Variants in SEMA6D observed in about 807,000 individuals in gnomAD.
The protein encoded by SEMA6D is semaphorin 6D, also known as semaphorin-6D.
A neutral mutation model predicts 106.6 loss-of-function variants in SEMA6D; 35 were observed. That is an observed-to-expected ratio of 0.33 (90% CI 0.25 to 0.44). The LOEUF is 0.44. Ranked by LOEUF, SEMA6D falls within the 20% of genes least tolerant of loss-of-function variation. The probability of loss-of-function intolerance (pLI) is 1.00; values close to 1 mark genes in which losing one functional copy is unlikely to be tolerated. For missense variants in SEMA6D, 1,185 were observed against 1,345.9 expected (o/e 0.88, Z 1.87); for synonymous variants, 499 against 487.7 (o/e 1.02, Z -0.31).
At chr15:47,380,714 A>C (rs1273765196) in intron 1 of SEMA6D, 1 of 152,254 alleles carries the variant, frequency 6.6e-6, no homozygotes, top group Non-Finnish European at 1.5e-5. Context: ...AATCTGCTGA[A>C]GGAGAGAACT....
intron 3 of SEMA6D, among the ~76,000 whole-genome samples, chr15:47,500,848 A>G (rs768133262): frequency 9.8e-5 from 15 of 152,330 alleles, no homozygotes; most frequent in Middle Eastern, 6.8e-3. Context: ...CTATGCTTAC[A>G]TATAGATATT....
chr15:47,761,019 C>A lies in SEMA6D; in HGVS notation c.263C>A (p.Thr88Lys), dbSNP rs150296354. ...GTAAACTTAAATGAAATGCCCAAAA[C>A]AGAAGTAATACCCAACAAGGTGAGC... ...YTVNLNEMPKTEVIPNKKLTW... is the reference protein window; with the variant it reads ...YTVNLNEMPKKEVIPNKKLTW... Residue 88 changes from threonine (T) to lysine (K), a missense_variant, in exon 4 of 19, where the codon ACA becomes AAA. Coordinates refer to ENST00000536845, the MANE Select transcript of SEMA6D (RefSeq NM_001358351.3). The A allele has an allele frequency of 3.7e-6, 6 of 1,613,532 alleles. No individual in the cohort carries two copies. The highest frequency in any genetic ancestry group is 3.3e-5 in the South Asian group (3 of 91,042).
chr15:47,271,701 G>C (rs2034569272), intron 1 of SEMA6D, among the ~76,000 whole-genome samples: 1 of 151,988 alleles, frequency 6.6e-6, no homozygotes, highest in Admixed American at 6.6e-5. Context: ...CCCCAAATCA[G>C]GCATGTTTTA....
chr15:47,287,535 A>T (rs894675377), intron 1 of SEMA6D, among the ~76,000 whole-genome samples: 1 of 152,172 alleles, frequency 6.6e-6, no homozygotes, highest in African/African-American at 2.4e-5. Flanking sequence ...TCCATAGCAG[A>T]GTAGAAAAAG....
At chr15:47,211,196 C>T (rs2029980577) in intron 1 of SEMA6D, among the ~76,000 whole-genome samples, 1 of 151,998 alleles carries the variant, frequency 6.6e-6, no homozygotes, top group Non-Finnish European at 1.5e-5. Flanking sequence ...GTTTGAAAGT[C>T]GTTCAAATTT....
chr15:47,630,000 G>T (rs1217339540), intron 4 of SEMA6D, among the ~76,000 whole-genome samples: 1 of 151,846 alleles, frequency 6.6e-6, no homozygotes, highest in Non-Finnish European at 1.5e-5. Context: ...AAATAGTGCT[G>T]TGATAAGCAT....
chr15:47,606,863 A>T (rs1002550905), intron 4 of SEMA6D, among the ~76,000 whole-genome samples: 1 of 152,314 alleles, frequency 6.6e-6, no homozygotes, highest in Non-Finnish European at 1.5e-5. Context: ...AAAATGGGCT[A>T]TGTGTCCCAT....
intron 2 of SEMA6D, among the ~76,000 whole-genome samples, chr15:47,418,882 CTTT>C (rs891378068): frequency 3.9e-5 from 6 of 152,106 alleles, no homozygotes; most frequent in African/African-American, 1.4e-4. Context: ...TGAAAGTTCT[CTTT>C]TGATTGTTTA....
At chr15:47,469,964 T>C (rs187024244) in intron 2 of SEMA6D, among the ~76,000 whole-genome samples, 44 of 152,190 alleles carry the variant, frequency 2.9e-4, no homozygotes, top group African/African-American at 8.4e-4. Flanking sequence ...CACAACTTGC[T>C]CCTCACAGTG....
intron 4 of SEMA6D, among the ~76,000 whole-genome samples, chr15:47,699,916 A>T (rs2078775510): frequency 6.6e-6 from 1 of 152,216 alleles, no homozygotes; most frequent in Non-Finnish European, 1.5e-5. Flanking sequence ...AGAACTAATA[A>T]GCAATTATAA....
chr15:47,267,787 C>T (rs1317489168), intron 1 of SEMA6D, among the ~76,000 whole-genome samples: 1 of 152,082 alleles, frequency 6.6e-6, no homozygotes, highest in East Asian at 1.9e-4. Flanking sequence ...AGTTCTAGAG[C>T]ACATAGCACT....
At chr15:47,668,469 G>T (rs1031150702) in intron 4 of SEMA6D, among the ~76,000 whole-genome samples, 1 of 152,126 alleles carries the variant, frequency 6.6e-6, no homozygotes, top group Non-Finnish European at 1.5e-5. Context: ...TCTGCTCCTA[G>T]CTGCTTACCC....
chr15:47,327,750 C>G (rs985997470), intron 1 of SEMA6D, among the ~76,000 whole-genome samples: 4 of 152,110 alleles, frequency 2.6e-5, no homozygotes, highest in Non-Finnish European at 4.4e-5. Flanking sequence ...GTGCTTCTCT[C>G]TATGGGGGAA....
At chr15:47,731,325 C>T (rs529137977) in intron 1 of SEMA6D, among the ~76,000 whole-genome samples, 91 of 152,098 alleles carry the variant, frequency 6.0e-4, no homozygotes, top group African/African-American at 2.0e-3. Flanking sequence ...CCCCCGCCCC[C>T]GGTTGAACAC....
intron 1 of SEMA6D, among the ~76,000 whole-genome samples, chr15:47,211,154 A>G (rs1173176494): frequency 3.9e-5 from 6 of 152,134 alleles, no homozygotes; most frequent in Non-Finnish European, 8.8e-5. Context: ...GCCATCATCT[A>G]TCTATACTCT....
intron 3 of SEMA6D, among the ~76,000 whole-genome samples, chr15:47,505,910 A>G (rs2044022299): frequency 6.6e-6 from 1 of 152,036 alleles, no homozygotes; most frequent in Non-Finnish European, 1.5e-5. Flanking sequence ...AATCAGGAGG[A>G]AAGGCTGATG....
intron 3 of SEMA6D, among the ~76,000 whole-genome samples, chr15:47,564,479 A>G (rs2046171873): frequency 6.6e-6 from 1 of 152,180 alleles, no homozygotes; most frequent in Admixed American, 6.5e-5. Flanking sequence ...TTTTTTTTAT[A>G]ACTTGTTTGA....
At chr15:47,570,778 C>T (rs2046360158) in intron 3 of SEMA6D, among the ~76,000 whole-genome samples, 1 of 152,198 alleles carries the variant, frequency 6.6e-6, no homozygotes, top group South Asian at 2.1e-4. Context: ...TCTTCCCAGA[C>T]TGTGCCATCC....
intron 18 of SEMA6D, among the ~76,000 whole-genome samples, chr15:47,769,818 A>G (rs1465269871): frequency 6.6e-6 from 1 of 152,102 alleles, no homozygotes; most frequent in Non-Finnish European, 1.5e-5. Flanking sequence ...AAATATCTTC[A>G]GATAATTTGA....
Sources: allele counts gnomAD v4.1 joint callset (sites outside exome capture counted in the v4.1 genomes callset), GRCh38; gene constraint gnomAD v4.1.1; transcripts MANE v1.5; gene names NCBI Gene and HGNC (gene_info 2026-07-23, HGNC 2026-07-21).